Variants in NTM observed in about 807,000 individuals in gnomAD.
NTM encodes IgLON family member 2.
NTM carries 13 observed loss-of-function variants against 42.1 expected under a neutral mutation model. That is an observed-to-expected ratio of 0.31 (90% confidence interval 0.20 to 0.49). NTM has a LOEUF of 0.49. Ranked by LOEUF, NTM falls within the 20% of genes least tolerant of loss-of-function variation. The probability of loss-of-function intolerance (pLI) is 0.99; values close to 1 mark genes in which losing one functional copy is unlikely to be tolerated. For missense variants in NTM, 373 were observed against 452.8 expected (o/e 0.82, Z 1.60); for synonymous variants, 187 against 179.2 (o/e 1.04, Z -0.35).
intron 1 of NTM, among the ~76,000 whole-genome samples, chr11:131,646,504 T>C (rs953727199): frequency 8.5e-5 from 13 of 152,238 alleles, no homozygotes; most frequent in Non-Finnish European, 1.9e-4. Flanking sequence ...AAGTCAATTA[T>C]TTCTTTAGAA....
intron 1 of NTM, among the ~76,000 whole-genome samples, chr11:131,409,096 G>A (rs1946106220): frequency 6.6e-6 from 1 of 152,216 alleles, no homozygotes; most frequent in African/African-American, 2.4e-5. Context: ...GAGGAACACT[G>A]TCCCCACTAA....
At chr11:131,898,489 A>C (rs1051813018) in intron 1 of NTM, among the ~76,000 whole-genome samples, 4 of 152,198 alleles carry the variant, frequency 2.6e-5, no homozygotes, top group Non-Finnish European at 4.4e-5. Flanking sequence ...AATTGTGTAC[A>C]TTCCCTTTGT....
chr11:132,102,247 C>CT (rs1225562631), intron 2 of NTM, among the ~76,000 whole-genome samples: 2 of 152,194 alleles, frequency 1.3e-5, no homozygotes, highest in African/African-American at 2.4e-5. Context: ...TATACATATA[C>CT]TTTTTTATGC....
chr11:131,688,210 G>C (rs768487493), intron 1 of NTM, among the ~76,000 whole-genome samples: 13 of 152,128 alleles, frequency 8.5e-5, no homozygotes, highest in African/African-American at 2.2e-4. Context: ...TGCCTCCACC[G>C]AGCTGGAGAA....
chr11:131,979,902 A>T (rs937405418), intron 2 of NTM, among the ~76,000 whole-genome samples: 1 of 152,186 alleles, frequency 6.6e-6, no homozygotes, highest in Admixed American at 6.5e-5. Flanking sequence ...GCCATTCTCT[A>T]TAGGGAGCTC....
At chr11:131,946,048 C>T (rs10791184) in intron 2 of NTM, among the ~76,000 whole-genome samples, 41,810 of 151,928 alleles carry the variant, frequency 0.28, 6,810 homozygotes, top group East Asian at 0.41. Context: ...TTGATAGAAC[C>T]CAGAAGTTAT....
chr11:131,582,387 A>G (rs1304812142), intron 1 of NTM: 1 of 152,218 alleles, frequency 6.6e-6, no homozygotes, highest in Non-Finnish European at 1.5e-5. Context: ...CTGTATGTAA[A>G]TGAATCCCTT....
At chr11:132,331,142 A>G (rs1443410554) in intron 8 of NTM, among the ~76,000 whole-genome samples, 1 of 152,166 alleles carries the variant, frequency 6.6e-6, no homozygotes, top group Non-Finnish European at 1.5e-5. Flanking sequence ...CTGAAGATGC[A>G]TCTCTGAGAT....
At chr11:131,680,513 G>A (rs1433760887) in intron 1 of NTM, among the ~76,000 whole-genome samples, 2 of 143,552 alleles carry the variant, frequency 1.4e-5, no homozygotes, top group African/African-American at 5.2e-5. Context: ...CTCTGTGTCT[G>A]TGTGAGATCA....
chr11:131,935,444 A>G (rs1262662980), intron 2 of NTM, among the ~76,000 whole-genome samples: 1 of 152,078 alleles, frequency 6.6e-6, no homozygotes, highest in Non-Finnish European at 1.5e-5. Flanking sequence ...TTTATTAGTC[A>G]TAAATATTTG....
At chr11:132,215,033 C>T (rs2083543939) in intron 4 of NTM, among the ~76,000 whole-genome samples, 1 of 152,220 alleles carries the variant, frequency 6.6e-6, no homozygotes, top group African/African-American at 2.4e-5. Context: ...TGAACTGAAG[C>T]TGGAGACCCT....
At chr11:131,971,918 C>T (rs987775740) in intron 2 of NTM, among the ~76,000 whole-genome samples, 16 of 151,668 alleles carry the variant, frequency 1.1e-4, no homozygotes, top group South Asian at 6.3e-4. Flanking sequence ...TGGTGGTGGG[C>T]GCCTGTAGTC....
chr11:131,455,525 G>C (rs897299300), intron 1 of NTM: 1 of 152,310 alleles, frequency 6.6e-6, no homozygotes, highest in Non-Finnish European at 1.5e-5. Context: ...CACTGAGGTA[G>C]GGGGAGAGGC....
chr11:131,999,920 C>T (rs2068843498), intron 2 of NTM, among the ~76,000 whole-genome samples: 4 of 152,094 alleles, frequency 2.6e-5, no homozygotes, highest in South Asian at 2.1e-4. Flanking sequence ...CGGTTGATTT[C>T]GCTCTTCTTC....
At chr11:131,371,199 A>G (rs1020267873) in intron 1 of NTM, 14 of 631,428 alleles carry the variant, frequency 2.2e-5, no homozygotes, top group Non-Finnish European at 2.8e-5. Context: ...ACAACGGAGC[A>G]CACATGTAAG....
intron 1 of NTM, among the ~76,000 whole-genome samples, chr11:131,907,288 C>A (rs1262543635): frequency 1.3e-5 from 2 of 152,224 alleles, no homozygotes; most frequent in Non-Finnish European, 2.9e-5. Context: ...CAGCTAATTT[C>A]TCTTTCATTG....
At chr11:131,375,587 C>T (rs1380468528) in intron 1 of NTM, among the ~76,000 whole-genome samples, 1 of 152,092 alleles carries the variant, frequency 6.6e-6, no homozygotes, top group Non-Finnish European at 1.5e-5. Flanking sequence ...GGGAGCATGC[C>T]TCCCATCCCT....
chr11:131,750,991 C>T (rs2082425367), intron 1 of NTM, among the ~76,000 whole-genome samples: 1 of 152,156 alleles, frequency 6.6e-6, no homozygotes, highest in African/African-American at 2.4e-5. Flanking sequence ...GAGACTCCCA[C>T]ATGGGGCTTT....
chr11:132,035,343 G>A (rs967068278), intron 2 of NTM, among the ~76,000 whole-genome samples: 5 of 152,242 alleles, frequency 3.3e-5, no homozygotes, highest in East Asian at 1.9e-4. Flanking sequence ...AAGTGGACTC[G>A]GATCCTTGAG....
Sources: allele counts gnomAD v4.1 joint callset (sites outside exome capture counted in the v4.1 genomes callset), GRCh38; gene constraint gnomAD v4.1.1; transcripts MANE v1.5; gene names NCBI Gene and HGNC (gene_info 2026-07-23, HGNC 2026-07-21).